FBXL8: variants seen among roughly 807,000 people sequenced by gnomAD.
FBXL8 encodes F-box and leucine rich repeat protein 8, also known as F-box/LRR-repeat protein 8.
In FBXL8, 13 loss-of-function variants were observed where a neutral mutation model predicts 8.2. The ratio of observed to expected loss-of-function variants is 1.58; its 90% CI spans 1.03 to 2.51. FBXL8 has a LOEUF of 2.51. Among genes scored for constraint, FBXL8 ranks in the 30% most tolerant of loss-of-function variants. The pLI, the probability that FBXL8 is intolerant of heterozygous loss-of-function variation, is 0.00. For missense variants in FBXL8, 565 were observed against 540.4 expected (o/e 1.05, Z -0.45); for synonymous variants, 271 against 260.5 (o/e 1.04, Z -0.39).
Position 67,163,291 on chromosome 16 carries a change from AC to A in FBXL8, c.598del (p.Leu200Ter), listed in dbSNP as rs773819288. 2 of 1,576,780 alleles carry A rather than the reference AC, an allele frequency of 1.3e-6. No homozygotes were observed. The highest frequency in any genetic ancestry group is 1.7e-6 in the Non-Finnish European group (2 of 1,163,210). On this transcript the variant is annotated frameshift_variant, in exon 3 of 3. Transcript: ENST00000258200. LOFTEE classifies it low-confidence loss of function (END_TRUNC). ...CCGCGCCTGCGCGCTCTCGGCCTGC[AC>A]CTAGCCAGTTTGTCGCACGCCATCC... ...ACPRLRALGL[H>X]LASLSHAILE... is the part of the protein sequence containing the mutation.
chr16:67,161,679 G>A, intron 1 of FBXL8, 56 bp from the exon 2 acceptor site: 2 of 1,375,860 alleles, frequency 1.5e-6, no homozygotes, highest in Non-Finnish European at 1.9e-6. Context: ...CCTAAGCTCG[G>A]TCTTCCTGCA....
rs1444715367 is a variant in FBXL8, at chr16:67,163,671, C to T, written c.976C>T (p.Arg326Cys). Residue 326 changes from arginine to cysteine, a missense_variant, in exon 3 of 3, where the codon CGC becomes TGC. Arg to Cys is a radical substitution (Grantham distance 180). Coordinates refer to ENST00000258200, the MANE Select transcript of FBXL8 (RefSeq NM_018378.3). ...CGCCGCGCTGGAGGAGCTGGCGGCG[C>T]GCTGCGCGGCCCTGCGCGAGGTGCA... ...LNAALEELAA[R>C]CAALREVHCF... 1 of 1,575,738 alleles carries T rather than the reference C, an allele frequency of 6.3e-7. No individual in the cohort carries two copies. The highest frequency in any genetic ancestry group is 8.6e-7 in the Non-Finnish European group (1 of 1,169,090).
Position 67,163,402 on chromosome 16 carries a change from C to T in FBXL8, c.707C>T (p.Pro236Leu), listed in dbSNP as rs1315059843. The change falls in exon 3 of 3, where the codon CCG (proline) becomes CTG (leucine). Residue 236 changes from proline to leucine, a missense_variant. Pro to Leu is a moderately conservative substitution (Grantham distance 98). Transcript: ENST00000258200. ...TGCCCCGAAGATGCACGCGCGTCCC[C>T]GCTGCCCAACGAAGCCTGGGTCGCG... ...CACPEDARAS[P>L]LPNEAWVALR... The T allele has an allele frequency of 1.3e-6, 2 of 1,538,130 alleles. No homozygotes were observed. Among genetic ancestry groups the T allele is most frequent in the South Asian group, 1.2e-5 (1 of 84,882 alleles).
At position 67,163,100 on chromosome 16, in the gene FBXL8, C is replaced by T; in HGVS notation, c.405C>T (p.Ser135=). ...TGCACGCTGTATGCGGGGCGGCCAG[C>T]CAGCTACGCCACCTCGACCTGCGGC... The part of the protein sequence containing the change: ...EAVHAVCGAA[S]QLRHLDLRRL... The change falls in exon 3 of 3, where the codon AGC becomes AGT. Residue 135 remains serine, a synonymous_variant. Transcript: ENST00000258200. 6.3e-7 allele frequency: 1 copy of T among 1,581,116 alleles called. No homozygotes were observed. The highest frequency in any genetic ancestry group is 8.6e-7 in the Non-Finnish European group (1 of 1,164,298).
chr16:67,163,963 G>A lies in FBXL8; in HGVS notation c.*143G>A. ...CTTTACCGAGTTGGGAACTGTGATG[G>A]CATCGGGACCAGTCCTGGGCGCCCT... On this transcript the variant is annotated 3_prime_UTR_variant, in exon 3 of 3. Coordinates refer to ENST00000258200, the MANE Select transcript of FBXL8 (RefSeq NM_018378.3). 2 of 1,293,788 alleles carry A rather than the reference G, an allele frequency of 1.5e-6. No homozygotes were observed. Among genetic ancestry groups the A allele is most frequent in the Non-Finnish European group, 2.1e-6 (2 of 930,966 alleles). The allele number at this position is 1,293,788 out of a possible 1,614,324, so 80.1% of individuals were successfully genotyped here.
In FBXL8 at chr16:67,162,953, C is replaced by G; in HGVS notation, c.258C>G (p.Arg86=). 6.4e-7 allele frequency: 1 copy of G among 1,559,852 alleles called. No individual in the cohort carries two copies. Among genetic ancestry groups the G allele is most frequent in the Non-Finnish European group, 8.7e-7 (1 of 1,151,816 alleles). The change falls in exon 3 of 3, where the codon CGC becomes CGG. Residue 86 remains arginine, a synonymous_variant. Transcript: ENST00000258200. ...LEFEPSRKPS[R]RAAIELLMVL... ...TTGAGCCATCGAGGAAGCCGAGCCG[C>G]CGGGCGGCCATCGAGCTGCTGATGG...
In FBXL8 at chr16:67,163,608, G is replaced by C. The variant is rs2031022894; in HGVS notation, c.913G>C (p.Ala305Pro). 1 of 1,570,268 alleles carries C rather than the reference G, an allele frequency of 6.4e-7. No individual in the cohort carries two copies. Among genetic ancestry groups the C allele is most frequent in the Non-Finnish European group, 8.6e-7 (1 of 1,167,948 alleles). Residue 305 changes from alanine to proline, a missense_variant, in exon 3 of 3, where the codon GCG becomes CCG. Physicochemically the swap from Ala to Pro is conservative, Grantham distance 27. Coordinates refer to ENST00000258200, the MANE Select transcript of FBXL8 (RefSeq NM_018378.3). ...ACACCACTACGCCGCAACCCTGTGC[G>C]CGCTCGAGGTGCGCGCAGCCGCTTC... ...AAHHYAATLC[A>P]LEVRAAASAE...
In FBXL8 at chr16:67,163,038, C is replaced by G; in HGVS notation, c.343C>G (p.Pro115Ala). ...GCGCCTGGAGTGCCGCGGAGAAAAACCGCTCTTCGACGCGGGCCGCGACGT... is the reference window on the plus strand; with the variant it reads ...GCGCCTGGAGTGCCGCGGAGAAAAAGCGCTCTTCGACGCGGGCCGCGACGT... ...GLRLECRGEK[P>A]LFDAGRDVLE... The change falls in exon 3 of 3, where the codon CCG becomes GCG. Residue 115 changes from proline (P) to alanine (A), a missense_variant. Pro to Ala is a conservative substitution (Grantham distance 27). Transcript: ENST00000258200. 6.4e-7 allele frequency: 1 copy of G among 1,563,802 alleles called. No individual in the cohort carries two copies. The highest frequency in any genetic ancestry group is 8.7e-7 in the Non-Finnish European group (1 of 1,153,752).
At chr16:67,162,565 C>G in intron 2 of FBXL8, 1 of 703,776 alleles carries the variant, frequency 1.4e-6, no homozygotes, top group Non-Finnish European at 2.6e-6. Context: ...AGTCCGGAGG[C>G]CATGCCAAGA....
rs2030911378 is a variant in FBXL8 at position 67,161,748 on chromosome 16, G to C, written c.-38G>C. 4 of 1,544,524 alleles carry C rather than the reference G, an allele frequency of 2.6e-6. No homozygotes were observed. The highest frequency in any genetic ancestry group is 4.8e-5 in the East Asian group (2 of 41,916). On this transcript the variant is annotated 5_prime_UTR_variant, in exon 2 of 3. Coordinates refer to ENST00000258200, the MANE Select transcript of FBXL8 (RefSeq NM_018378.3). ...GTCTCTCTCCAGGCCGGAGCTATTG[G>C]GAGTGGCGGATCCTCCCACCCCAGC...
At position 67,163,619 on chromosome 16, in the gene FBXL8, G is replaced by T; in HGVS notation, c.924G>T (p.Val308=). 1 of 1,565,264 alleles carries T rather than the reference G, an allele frequency of 6.4e-7. No homozygotes were observed. The highest frequency in any genetic ancestry group is 8.6e-7 in the Non-Finnish European group (1 of 1,165,724). ...HYAATLCALE[V]RAAASAELNA... Reference sequence around the variant, plus strand: ...CCGCAACCCTGTGCGCGCTCGAGGTGCGCGCAGCCGCTTCGGCCGAGCTGA... The same window carrying T: ...CCGCAACCCTGTGCGCGCTCGAGGTTCGCGCAGCCGCTTCGGCCGAGCTGA... The change falls in exon 3 of 3, where the codon GTG becomes GTT. Residue 308 remains valine (V), a synonymous_variant. Transcript: ENST00000258200.
intron 2 of FBXL8, chr16:67,162,636 G>A (rs1228096220): frequency 1.4e-6 from 1 of 739,262 alleles, no homozygotes; most frequent in Non-Finnish European, 2.4e-6. Flanking sequence ...CCATGTCCAG[G>A]TTTCATCCTG....
In FBXL8 at chr16:67,163,028, C is replaced by A; in HGVS notation, c.333C>A (p.Arg111=). The A allele has an allele frequency of 6.4e-7, 1 of 1,559,628 alleles. No individual in the cohort carries two copies. The highest frequency in any genetic ancestry group is 8.7e-7 in the Non-Finnish European group (1 of 1,151,722). The change falls in exon 3 of 3, where the codon CGC becomes CGA. Residue 111 remains arginine, a synonymous_variant. Transcript: ENST00000258200. ...PGLRGLRLEC[R]GEKPLFDAGR... is the part of the protein sequence containing the mutation. ...TGCGAGGCCTGCGCCTGGAGTGCCG[C>A]GGAGAAAAACCGCTCTTCGACGCGG...
intron 1 of FBXL8, 60 bp from the exon 2 acceptor site, chr16:67,161,675 C>G: frequency 7.4e-7 from 1 of 1,354,306 alleles, no homozygotes; most frequent in South Asian, 1.5e-5. Context: ...TACACCTAAG[C>G]TCGGTCTTCC....
At chr16:67,162,723 A>T in intron 2 of FBXL8, 125 bp from the exon 3 acceptor site, 1 of 1,336,980 alleles carries the variant, frequency 7.5e-7, no homozygotes, top group Non-Finnish European at 1.0e-6. Flanking sequence ...TGGTCTGAAC[A>T]GAGACGTGGG....
Position 67,163,146 on chromosome 16 carries a change from G to T in FBXL8, c.451G>T (p.Asp151Tyr). 6.4e-7 allele frequency: 1 copy of T among 1,569,542 alleles called. No individual in the cohort carries two copies. The change falls in exon 3 of 3, where the codon GAC becomes TAC. Residue 151 changes from aspartate to tyrosine, a missense_variant. Physicochemically the swap from Asp to Tyr is radical, Grantham distance 160 (BLOSUM62 -3). Transcript: ENST00000258200. ...DLRRLSFTLD[D>Y]ALVLQAARSC... Reference sequence around the variant, plus strand: ...GCGGCGCTTGTCCTTCACACTGGACGACGCGCTGGTGCTGCAGGCGGCGCG... The same window carrying T: ...GCGGCGCTTGTCCTTCACACTGGACTACGCGCTGGTGCTGCAGGCGGCGCG...
chr16:67,163,068 G>A lies in FBXL8; in HGVS notation c.373G>A (p.Glu125Lys), dbSNP rs1280389165. 7.0e-6 allele frequency: 11 copies of A among 1,577,540 alleles called. No individual in the cohort carries two copies. The highest frequency in any genetic ancestry group is 1.3e-5 in the African/African-American group (1 of 74,076). ...PLFDAGRDVL[E>K]AVHAVCGAAS... ...CTTCGACGCGGGCCGCGACGTCCTG[G>A]AGGCTGTGCACGCTGTATGCGGGGC... Residue 125 changes from glutamate (E) to lysine (K), a missense_variant, in exon 3 of 3, where the codon GAG becomes AAG. Glu to Lys is a moderately conservative substitution (Grantham distance 56, BLOSUM62 1). Transcript: ENST00000258200.
rs955544836 is a variant in FBXL8 at position 67,163,441 on chromosome 16, A to G, written c.746A>G (p.His249Arg). 47 of 1,535,670 alleles carry G rather than the reference A, an allele frequency of 3.1e-5. No homozygotes were observed. The highest frequency in any genetic ancestry group is 7.8e-5 in the Admixed American group (4 of 51,196). ...NEAWVALRRR[H>R]PGLAVELELE... ...GCCTGGGTCGCGTTGCGCCGCCGCC[A>G]CCCTGGGCTGGCAGTGGAGCTGGAG... The change falls in exon 3 of 3, where the codon CAC becomes CGC. Residue 249 changes from histidine to arginine, a missense_variant. Transcript: ENST00000258200.
chr16:67,161,582 T>A (rs969837139), intron 1 of FBXL8, 153 bp from the exon 2 acceptor site: 1 of 515,504 alleles, frequency 1.9e-6, no homozygotes, highest in African/African-American at 2.0e-5. Flanking sequence ...GGCGGTGAAA[T>A]CTGCTTTGTG....
Sources: allele counts gnomAD v4.1 joint callset, GRCh38; gene constraint gnomAD v4.1.1; transcripts MANE v1.5; gene names NCBI Gene and HGNC (gene_info 2026-07-23, HGNC 2026-07-21).